The following PPP4R3A variants were observed in gnomAD, a reference collection of about 807,000 sequenced individuals.
PPP4R3A encodes serine/threonine-protein phosphatase 4 regulatory subunit 3A.
PPP4R3A carries 15 observed loss-of-function variants against 91.7 expected under a neutral mutation model. The observed-to-expected ratio is 0.16, with a 90% CI of 0.11 to 0.25. The LOEUF is 0.25. Among genes scored for constraint, PPP4R3A ranks in the 10% least tolerant of loss-of-function variants. PPP4R3A has a pLI of 1.00. For synonymous variants in PPP4R3A, 377 were observed against 348.7 expected, an observed-to-expected ratio of 1.08 and a Z score of -0.91; for missense variants, 623 against 998.4, an observed-to-expected ratio of 0.62 and a Z score of 5.07.
chr14:91,471,902 TA>T (rs1888860555), intron 9 of PPP4R3A, among the ~76,000 whole-genome samples: 1 of 151,722 alleles, frequency 6.6e-6, no homozygotes, highest in African/African-American at 2.4e-5. Flanking sequence ...CTGCCTCTAC[TA>T]AAAATATAAA....
At chr14:91,473,184 C>T (rs1888957207) in intron 8 of PPP4R3A, 49 bp from the exon 9 acceptor site, 2 of 1,612,900 alleles carry the variant, frequency 1.2e-6, no homozygotes, top group Non-Finnish European at 1.7e-6. Context: ...CTGGTTCCTA[C>T]CAGCAATACA....
intron 1 of PPP4R3A, among the ~76,000 whole-genome samples, chr14:91,507,056 C>T (rs1163115279): frequency 6.6e-6 from 1 of 151,972 alleles, no homozygotes; most frequent in Non-Finnish European, 1.5e-5. Context: ...CAGTGGCTCA[C>T]GCCTGTAATC....
chr14:91,460,233 C>T (rs1004733321), intron 14 of PPP4R3A, among the ~76,000 whole-genome samples: 10 of 152,034 alleles, frequency 6.6e-5, no homozygotes, highest in East Asian at 3.9e-4. Context: ...AGGATGGTCT[C>T]GGATCTCCTG....
chr14:91,494,073 G>A (rs1485011791), intron 1 of PPP4R3A, among the ~76,000 whole-genome samples: 4 of 151,892 alleles, frequency 2.6e-5, no homozygotes, highest in Non-Finnish European at 4.4e-5. Context: ...CCAACATGGT[G>A]AAACCCCGTC....
intron 3 of PPP4R3A, among the ~76,000 whole-genome samples, chr14:91,484,690 G>A (rs1889781455): frequency 6.6e-6 from 1 of 152,148 alleles, no homozygotes; most frequent in African/African-American, 2.4e-5. Context: ...AGGGGTGCTA[G>A]TCTCAGAATT....
Position 91,485,612 on chromosome 14 carries a change from T to C in PPP4R3A, c.297+20A>G. 1 of 1,558,860 alleles carries C rather than the reference T, an allele frequency of 6.4e-7. No homozygotes were observed. Among genetic ancestry groups the C allele is most frequent in the African/African-American group, 1.4e-5 (1 of 73,856 alleles). On this transcript the variant is annotated intron_variant, in intron 3 of 14. Transcript: ENST00000554943. The stretch of plus-strand genomic sequence containing the variant: ...AAACACTTAAAGAAAGCATGTTGAT[T>C]TTTTTATTTAAAAAATTACCTGACA...
intron 1 of PPP4R3A, among the ~76,000 whole-genome samples, chr14:91,507,650 C>T (rs1362674117): frequency 6.8e-6 from 1 of 146,254 alleles, no homozygotes; most frequent in Non-Finnish European, 1.5e-5. Flanking sequence ...AATATATACA[C>T]GGAAAAAAAT....
chr14:91,471,664 A>G (rs1388766950), intron 9 of PPP4R3A, among the ~76,000 whole-genome samples: 1 of 152,226 alleles, frequency 6.6e-6, no homozygotes, highest in Non-Finnish European at 1.5e-5. Flanking sequence ...AATATGAATA[A>G]AGCAGGTAAG....
At chr14:91,474,886 G>C (rs570208415) in intron 7 of PPP4R3A, 16 of 152,120 alleles carry the variant, frequency 1.1e-4, no homozygotes, top group African/African-American at 3.9e-4. Flanking sequence ...AGTTCAAACT[G>C]GTGCTTTTTT....
In PPP4R3A at chr14:91,457,632, CTTTT is replaced by C. The variant is rs1887843922; in HGVS notation, c.*1123_*1126del. 2.0e-5 allele frequency: 3 copies of C among 152,516 alleles called. No homozygotes were observed. The highest frequency in any genetic ancestry group is 2.9e-5 in the Non-Finnish European group (2 of 67,972). 9.4% of individuals were successfully genotyped at this position (152,516 alleles called of 1,614,324 possible). On this transcript the variant is annotated 3_prime_UTR_variant, in exon 15 of 15. Coordinates refer to ENST00000554943, the MANE Select transcript of PPP4R3A (RefSeq NM_001366432.2). ...ACAATTTCTCTTACTCTTCACTTTT[CTTTT>C]TATTATTCAAAAGTCAAATGTTTTT...
At chr14:91,461,671 G>A in intron 13 of PPP4R3A, 64 bp from the exon 14 acceptor site, 3 of 1,496,666 alleles carry the variant, frequency 2.0e-6, no homozygotes, top group South Asian at 1.2e-5. Context: ...CCCCAAATGA[G>A]GTAACACTAA....
intron 3 of PPP4R3A, among the ~76,000 whole-genome samples, chr14:91,483,649 A>C (rs1345073942): frequency 2.0e-5 from 3 of 152,206 alleles, no homozygotes; most frequent in African/African-American, 7.2e-5. Flanking sequence ...AAATAGAAAA[A>C]CATTTAATAT....
chr14:91,498,428 C>T (rs1890721077), intron 1 of PPP4R3A, among the ~76,000 whole-genome samples: 1 of 152,004 alleles, frequency 6.6e-6, no homozygotes, highest in Admixed American at 6.6e-5. Flanking sequence ...TAAGTTAGAA[C>T]ATTATTTTTA....
At position 91,458,106 on chromosome 14, in the gene PPP4R3A, A is replaced by C. The variant is rs1389142340; in HGVS notation, c.*653T>G. ...GAAAAAAAAAATCAAAAACAAAATAAAACAAAAAAATTATGACACAAATGA... is the reference window on the plus strand; with the variant it reads ...GAAAAAAAAAATCAAAAACAAAATACAACAAAAAAATTATGACACAAATGA... On this transcript the variant is annotated 3_prime_UTR_variant, in exon 15 of 15. Coordinates refer to ENST00000554943, the MANE Select transcript of PPP4R3A (RefSeq NM_001366432.2). 1 of 152,928 alleles carries C rather than the reference A, an allele frequency of 6.5e-6. No homozygotes were observed. The highest frequency in any genetic ancestry group is 2.4e-5 in the African/African-American group (1 of 41,420). 9.5% of individuals were successfully genotyped at this position (152,928 alleles called of 1,614,324 possible).
At chr14:91,471,615 T>C (rs1037091838) in intron 9 of PPP4R3A, among the ~76,000 whole-genome samples, 3 of 152,188 alleles carry the variant, frequency 2.0e-5, no homozygotes, top group Non-Finnish European at 4.4e-5. Flanking sequence ...GTTGGAGGAA[T>C]AGAACATGTG....
chr14:91,507,041 C>T (rs567784250), intron 1 of PPP4R3A, among the ~76,000 whole-genome samples: 19 of 152,046 alleles, frequency 1.2e-4, no homozygotes, highest in African/African-American at 4.1e-4. Context: ...AATGGAGGTT[C>T]GGCGCAGTGG....
chr14:91,477,086 G>T, intron 4 of PPP4R3A, 100 bp from the exon 5 acceptor site: 2 of 823,058 alleles, frequency 2.4e-6, no homozygotes, highest in Non-Finnish European at 3.5e-6. Context: ...CTATAAAAAG[G>T]AAAGGTGGTA....
chr14:91,491,327 T>C (rs1319857542), intron 1 of PPP4R3A, among the ~76,000 whole-genome samples: 1 of 152,106 alleles, frequency 6.6e-6, no homozygotes, highest in African/African-American at 2.4e-5. Flanking sequence ...CCTCCCAAAG[T>C]GCTGGGATTG....
At chr14:91,508,975 G>A (rs1287844020) in intron 1 of PPP4R3A, among the ~76,000 whole-genome samples, 2 of 152,198 alleles carry the variant, frequency 1.3e-5, no homozygotes, top group African/African-American at 2.4e-5. Context: ...AGAGTTGCCA[G>A]ATACAGTGTT....
Sources: allele counts gnomAD v4.1 joint callset (sites outside exome capture counted in the v4.1 genomes callset), GRCh38; gene constraint gnomAD v4.1.1; transcripts MANE v1.5; gene names NCBI Gene and HGNC (gene_info 2026-07-23, HGNC 2026-07-21).